GOLGB1: variants seen among roughly 807,000 people sequenced by gnomAD.
GOLGB1 encodes the protein golgin B1.
In GOLGB1, 174 loss-of-function variants were observed where a neutral mutation model predicts 336.9. That is an observed-to-expected ratio of 0.52 (90% CI 0.46 to 0.59). GOLGB1 has a LOEUF of 0.59. GOLGB1 is among the 20% of genes least tolerant of loss of function. The probability of loss-of-function intolerance (pLI) is 0.00; values close to 1 mark genes in which losing one functional copy is unlikely to be tolerated. For synonymous variants in GOLGB1, 1,208 were observed against 1,289.2 expected (o/e 0.94, Z 1.35); for missense variants, 3,331 against 3,645.3 (o/e 0.91, Z 2.22).
intron 1 of GOLGB1, among the ~76,000 whole-genome samples, chr3:121,745,649 G>A (rs1947238292): frequency 6.6e-6 from 1 of 152,128 alleles, no homozygotes; most frequent in Admixed American, 6.5e-5. Context: ...ATGTATGACT[G>A]TTGGACAATG....
intron 9 of GOLGB1, among the ~76,000 whole-genome samples, chr3:121,716,201 T>G (rs1944759962): frequency 6.6e-6 from 1 of 152,196 alleles, no homozygotes; most frequent in African/African-American, 2.4e-5. Flanking sequence ...AATGTTCAAT[T>G]TTTTATAGGC....
Position 121,691,843 on chromosome 3 carries a change from A to G in GOLGB1, c.7521T>C (p.Ala2507=), listed in dbSNP as rs1942453694. Residue 2507 remains alanine, a synonymous_variant, in exon 14 of 22, where the codon GCT becomes GCC. Transcript: ENST00000614479. ...CTTCTTTAAGCTTATTATTCTCTGC[A>G]GCAGCCTCTTGGATGAGTTGGTCTT... The part of the protein sequence containing the change: ...LEKDQLIQEA[A]AENNKLKEEI... 1.9e-6 allele frequency: 3 copies of G among 1,613,170 alleles called. No homozygotes were observed. Among genetic ancestry groups the G allele is most frequent in the African/African-American group, 2.7e-5 (2 of 74,864 alleles).
At chr3:121,689,459 C>CGTT (rs373450958) in intron 14 of GOLGB1, among the ~76,000 whole-genome samples, 14,937 of 150,832 alleles carry the variant, frequency 0.099, 731 homozygotes, top group South Asian at 0.16. Context: ...GCAGCATGCT[C>CGTT]GTTAAGAGTC....
intron 14 of GOLGB1, among the ~76,000 whole-genome samples, chr3:121,682,566 C>T (rs1419246231): frequency 1.3e-5 from 2 of 152,098 alleles, no homozygotes; most frequent in Non-Finnish European, 2.9e-5. Context: ...ACAGACTTGC[C>T]TTTAATTAAC....
rs144687901 is a variant in GOLGB1, at chr3:121,695,104, A to G, written c.5419T>C (p.Ser1807Pro). Residue 1807 changes from serine (S) to proline (P), a missense_variant, in exon 13 of 22, where the codon TCT (serine) becomes CCT (proline). By Grantham distance (74) the Ser-to-Pro change is moderately conservative (BLOSUM62 -1). Coordinates refer to ENST00000614479, the MANE Select transcript of GOLGB1 (RefSeq NM_001366282.2). ...GTAGGTCTTGTGCTCATACTCAGAG[A>G]GTCTTGCTCTTCAGTCTCACCTGGT... The part of the protein sequence containing the change: ...SIPGETEEQD[S>P]LSMSTRPTCS... The G allele has an allele frequency of 8.0e-4, 1,283 of 1,613,174 alleles. No homozygotes were observed. Among genetic ancestry groups the G allele is most frequent in the Admixed American group, 1.1e-3 (64 of 59,876 alleles).
At chr3:121,745,833 C>T (rs1458100904) in intron 1 of GOLGB1, among the ~76,000 whole-genome samples, 1 of 152,268 alleles carries the variant, frequency 6.6e-6, no homozygotes, top group East Asian at 1.9e-4. Context: ...GACCTTAACA[C>T]TTATGTGTTG....
intron 1 of GOLGB1, among the ~76,000 whole-genome samples, chr3:121,746,894 C>T (rs900034998): frequency 3.3e-5 from 5 of 151,006 alleles, no homozygotes; most frequent in Non-Finnish European, 7.4e-5. Flanking sequence ...TCACATAGTT[C>T]GACAAAGCTT....
intron 20 of GOLGB1, among the ~76,000 whole-genome samples, chr3:121,666,472 T>C (rs1938630951): frequency 1.3e-5 from 2 of 152,086 alleles, no homozygotes; most frequent in Non-Finnish European, 2.9e-5. Flanking sequence ...GGCACAGGCC[T>C]GAAAATGCTC....
chr3:121,718,334 G>A (rs545182106), intron 8 of GOLGB1, 54 bp downstream of exon 8: 216 of 1,146,888 alleles, frequency 1.9e-4, no homozygotes, highest in South Asian at 7.3e-4. Context: ...CCTGGCAAAC[G>A]AAAGTGGAAA....
chr3:121,664,640 G>T, intron 21 of GOLGB1, 26 bp from the exon 22 acceptor site: 1 of 1,610,968 alleles, frequency 6.2e-7, no homozygotes, highest in Non-Finnish European at 8.5e-7. Flanking sequence ...GAAAGTCAGA[G>T]AGTTTTCACC....
At position 121,719,672 on chromosome 3, in the gene GOLGB1, C is replaced by T. The variant is rs184463323; in HGVS notation, c.745G>A (p.Ala249Thr). Residue 249 changes from alanine to threonine, a missense_variant, in exon 7 of 22, where the codon GCA becomes ACA. Transcript: ENST00000614479. ...TGTTGCATCTCTGTTTCCACATCTG[C>T]CTGGGTTACTAACTGAAGAAGCTCA... ...EDELLQLVTQ[A>T]DVETEMQQKL... The T allele has an allele frequency of 1.1e-4, 171 of 1,610,052 alleles. 1 individual carries two copies. Among genetic ancestry groups the T allele is most frequent in the Admixed American group, 3.7e-4 (22 of 59,534 alleles).
chr3:121,716,946 G>C lies in GOLGB1; in HGVS notation c.1079C>G (p.Ala360Gly). The change falls in exon 9 of 22, where the codon GCC (alanine) becomes GGC (glycine). Residue 360 changes from alanine to glycine, a missense_variant. Transcript: ENST00000614479. Reference sequence around the variant, plus strand: ...ATACCGAGACTCTAGTTCAGCCTGGGCTTGGCCTGCTTGCTCAAACTGTTC... The same window carrying C: ...ATACCGAGACTCTAGTTCAGCCTGGCCTTGGCCTGCTTGCTCAAACTGTTC... The part of the protein sequence containing the change: ...LLEQFEQAGQ[A>G]QAELESRYSA... 1 of 1,613,750 alleles carries C rather than the reference G, an allele frequency of 6.2e-7. No individual in the cohort carries two copies. The highest frequency in any genetic ancestry group is 8.5e-7 in the Non-Finnish European group (1 of 1,179,758).
Position 121,696,502 on chromosome 3 carries a change from A to G in GOLGB1, c.4021T>C (p.Ser1341Pro). 6.2e-7 allele frequency: 1 copy of G among 1,613,898 alleles called. No individual in the cohort carries two copies. ...TCTTGTAACTGAAATACCTCTTCTG[A>G]TTTTTTAGTAAGCTCACTTGTTGTA... is the stretch of plus-strand genomic sequence containing the variant. The part of the protein sequence containing the change: ...SSTTSELTKK[S>P]EEVFQLQEQI... The change falls in exon 13 of 22, where the codon TCA becomes CCA. Residue 1341 changes from serine to proline, a missense_variant. By Grantham distance (74) the Ser-to-Pro change is moderately conservative. Transcript: ENST00000614479.
In GOLGB1 at chr3:121,694,381, T is replaced by C; in HGVS notation, c.6142A>G (p.Lys2048Glu). Residue 2048 changes from lysine to glutamate, a missense_variant, in exon 13 of 22, where the codon AAA becomes GAA. By Grantham distance (56) the Lys-to-Glu change is moderately conservative. Transcript: ENST00000614479. ...EKISALERTV[K>E]ALEFVQTESQ... ...TCAGTTTGAACAAATTCTAGAGCTT[T>C]AACAGTTCTCTCCAGAGCACTAATT... 6.2e-7 allele frequency: 1 copy of C among 1,613,230 alleles called. No homozygotes were observed. Among genetic ancestry groups the C allele is most frequent in the South Asian group, 1.1e-5 (1 of 91,052 alleles).
chr3:121,747,785 G>A (rs1947471214), intron 1 of GOLGB1, among the ~76,000 whole-genome samples: 1 of 152,026 alleles, frequency 6.6e-6, no homozygotes, highest in African/African-American at 2.4e-5. Flanking sequence ...GGGTAGATCA[G>A]TAGATAGAAA....
At chr3:121,670,687 C>T (rs1939385844) in intron 17 of GOLGB1, among the ~76,000 whole-genome samples, 1 of 139,312 alleles carries the variant, frequency 7.2e-6, no homozygotes, top group Admixed American at 7.7e-5. Flanking sequence ...AGAGCTCTAT[C>T]TACTATCTGA....
At chr3:121,735,359 A>G (rs1946405543) in intron 1 of GOLGB1, among the ~76,000 whole-genome samples, 1 of 152,228 alleles carries the variant, frequency 6.6e-6, no homozygotes, top group Admixed American at 6.5e-5. Context: ...AGATCTAACT[A>G]TATTATAAAT....
intron 9 of GOLGB1, among the ~76,000 whole-genome samples, chr3:121,716,207 T>G (rs934524374): frequency 3.3e-5 from 5 of 152,238 alleles, no homozygotes; most frequent in Non-Finnish European, 5.9e-5. Context: ...CAATTTTTTA[T>G]AGGCACATAT....
rs1197598693 is a variant in GOLGB1 at position 121,716,804 on chromosome 3, A to G, written c.1221T>C (p.Asn407=). The change falls in exon 9 of 22, where the codon AAT becomes AAC. Residue 407 remains asparagine, a synonymous_variant. Transcript: ENST00000614479. ...CATTCTTATCTTGGAGAAGCTTTGA[A>G]TTTTGATCCTTTAGAGCATCACAGG... ...QSACDALKDQ[N]SKLLQDKNEQ... The G allele has an allele frequency of 1.2e-6, 2 of 1,613,660 alleles. No homozygotes were observed. The highest frequency in any genetic ancestry group is 1.7e-6 in the Non-Finnish European group (2 of 1,179,628).
Sources: allele counts gnomAD v4.1 joint callset (sites outside exome capture counted in the v4.1 genomes callset), GRCh38; gene constraint gnomAD v4.1.1; transcripts MANE v1.5; gene names NCBI Gene and HGNC (gene_info 2026-07-23, HGNC 2026-07-21).